The following ANO3 variants were observed in gnomAD, a reference collection of about 807,000 sequenced individuals.
ANO3 encodes the protein anoctamin 3, also known as anoctamin-3.
ANO3 carries 99 observed loss-of-function variants against 144.8 expected under a neutral mutation model. The ratio of observed to expected loss-of-function variants is 0.68; its 90% confidence interval spans 0.58 to 0.81. The LOEUF (loss-of-function observed/expected upper bound fraction) is 0.81. ANO3 is among the 30% of genes least tolerant of loss of function. ANO3 has a pLI of 0.00. For missense variants in ANO3, 905 were observed against 1,202.2 expected (o/e 0.75, Z 3.66); for synonymous variants, 414 against 392.6 (o/e 1.05, Z -0.64).
At chr11:26,507,857 G>A (rs920382707) in intron 4 of ANO3, among the ~76,000 whole-genome samples, 3 of 152,004 alleles carry the variant, frequency 2.0e-5, no homozygotes, top group African/African-American at 7.3e-5. Flanking sequence ...GCATTTTTAT[G>A]CCAGCACCAG....
chr11:26,460,062 C>G (rs1180185404), intron 3 of ANO3: 2 of 449,664 alleles, frequency 4.4e-6, no homozygotes, highest in Non-Finnish European at 8.9e-6. Flanking sequence ...CATTAGAGAT[C>G]AGATTTCAAC....
chr11:26,621,846 T>G (rs1484081648), intron 17 of ANO3, among the ~76,000 whole-genome samples: 1 of 152,150 alleles, frequency 6.6e-6, no homozygotes, highest in East Asian at 1.9e-4. Flanking sequence ...GTATAGGTTC[T>G]CCAACATGTT....
At chr11:26,298,630 C>T (rs7104399) in intron 1 of ANO3, among the ~76,000 whole-genome samples, 13,857 of 152,206 alleles carry the variant, frequency 0.091, 1,385 homozygotes, top group African/African-American at 0.25. Flanking sequence ...CTGAATTTCA[C>T]TTTAATATCA....
chr11:26,220,319 G>A (rs1852117124), intron 1 of ANO3, among the ~76,000 whole-genome samples: 1 of 152,198 alleles, frequency 6.6e-6, no homozygotes, highest in Non-Finnish European at 1.5e-5. Flanking sequence ...AGGATGATCA[G>A]GCATGCCTGG....
chr11:26,224,273 A>G (rs1315640031), intron 1 of ANO3, among the ~76,000 whole-genome samples: 2 of 152,334 alleles, frequency 1.3e-5, no homozygotes, highest in East Asian at 3.9e-4. Context: ...GGCCCCGTAC[A>G]ATAGGTCACA....
At chr11:26,444,977 TGTAGTAA>T (rs1205372680) in intron 3 of ANO3, among the ~76,000 whole-genome samples, 4 of 152,226 alleles carry the variant, frequency 2.6e-5, no homozygotes, top group African/African-American at 9.6e-5. Context: ...AGGCCTTTCC[TGTAGTAA>T]TTAATTCTGA....
Position 26,354,873 on chromosome 11 carries a change from AT to A in ANO3, c.46+22563del, listed in dbSNP as rs938237265. ...TAAGATTGATTTCTCCTCAGGTAAG[AT>A]TTTTTTTTTTAAATTTCTTAAAAAT... is the stretch of plus-strand genomic sequence containing the variant. On this transcript the variant is annotated intron_variant, in intron 1 of 26. Coordinates refer to ENST00000256737, the MANE Select transcript of ANO3 (RefSeq NM_031418.4). Among the ~76,000 whole-genome samples the A allele has an allele frequency of 2.1e-3, 310 of 148,706 alleles. 3 individuals carry two copies. The highest frequency in any genetic ancestry group is 6.3e-3 in the African/African-American group (258 of 40,664).
intron 14 of ANO3, among the ~76,000 whole-genome samples, chr11:26,593,690 T>C (rs998437729): frequency 3.3e-5 from 5 of 152,186 alleles, no homozygotes; most frequent in Non-Finnish European, 7.3e-5. Flanking sequence ...ATAAGGGGCA[T>C]GGACAAGGAG....
At chr11:26,197,185 C>T (rs1851605122) in intron 1 of ANO3, among the ~76,000 whole-genome samples, 1 of 152,094 alleles carries the variant, frequency 6.6e-6, no homozygotes, top group African/African-American at 2.4e-5. Context: ...ACTCTCATCT[C>T]ACCTTGTAGA....
chr11:26,279,336 C>T (rs754368397), intron 1 of ANO3, among the ~76,000 whole-genome samples: 1 of 152,118 alleles, frequency 6.6e-6, no homozygotes, highest in Non-Finnish European at 1.5e-5. Flanking sequence ...GATTCCTTAA[C>T]AGATTTCTGC....
At chr11:26,554,368 T>TA (rs574171727) in intron 13 of ANO3, among the ~76,000 whole-genome samples, 28 of 152,268 alleles carry the variant, frequency 1.8e-4, no homozygotes, top group African/African-American at 6.7e-4. Flanking sequence ...TTGCCTATTT[T>TA]AAAAAAGTCT....
At chr11:26,413,861 A>G (rs1857497094) in intron 1 of ANO3, among the ~76,000 whole-genome samples, 1 of 152,104 alleles carries the variant, frequency 6.6e-6, no homozygotes, top group Non-Finnish European at 1.5e-5. Flanking sequence ...GCAGCTTTAC[A>G]CTGGCAGACA....
intron 1 of ANO3, among the ~76,000 whole-genome samples, chr11:26,391,356 T>A (rs1856873991): frequency 6.6e-6 from 1 of 152,078 alleles, no homozygotes; most frequent in Non-Finnish European, 1.5e-5. Flanking sequence ...AATCCATAAA[T>A]GAATTAATCC....
chr11:26,257,283 T>C (rs892614737), intron 1 of ANO3, among the ~76,000 whole-genome samples: 2 of 152,082 alleles, frequency 1.3e-5, no homozygotes, highest in African/African-American at 4.8e-5. Flanking sequence ...AAGTTGGTTA[T>C]TTTATACTCA....
intron 1 of ANO3, among the ~76,000 whole-genome samples, chr11:26,351,269 C>T (rs1855638464): frequency 6.6e-6 from 1 of 152,004 alleles, no homozygotes; most frequent in South Asian, 2.1e-4. Flanking sequence ...TGAATATCTG[C>T]CAAGTTATAT....
At chr11:26,192,494 T>C (rs1049702843) in intron 1 of ANO3, among the ~76,000 whole-genome samples, 7 of 152,192 alleles carry the variant, frequency 4.6e-5, no homozygotes, top group Non-Finnish European at 8.8e-5. Flanking sequence ...TAACCACGTA[T>C]GTCTAAAAGG....
intron 1 of ANO3, among the ~76,000 whole-genome samples, chr11:26,223,819 A>T (rs1201643350): frequency 6.6e-6 from 1 of 151,780 alleles, no homozygotes; most frequent in East Asian, 2.0e-4. Context: ...GAGAGGCGCC[A>T]CATTCTTTTA....
chr11:26,616,045 C>T (rs1390800229), intron 17 of ANO3, among the ~76,000 whole-genome samples: 2 of 152,140 alleles, frequency 1.3e-5, no homozygotes, highest in Non-Finnish European at 2.9e-5. Flanking sequence ...ATGCTGAAAT[C>T]ATACCACTGT....
At chr11:26,299,456 A>G (rs1854167421) in intron 1 of ANO3, among the ~76,000 whole-genome samples, 3 of 152,220 alleles carry the variant, frequency 2.0e-5, no homozygotes, top group Admixed American at 1.3e-4. Context: ...TTCTAACTTT[A>G]TCTGCTTTTG....
Sources: gnomAD v4.1 joint callset for allele counts (sites outside exome capture counted in the v4.1 genomes callset) on GRCh38, gnomAD v4.1.1 for gene constraint, MANE v1.5 for transcripts, NCBI Gene and HGNC (gene_info 2026-07-23, HGNC 2026-07-21) for gene names.